Variants in RGS8 observed in about 807,000 individuals in gnomAD.
RGS8 encodes the protein regulator of G-protein signaling 8.
Under a neutral mutation model 21.7 loss-of-function variants are expected in RGS8, and 8 were observed. The observed-to-expected ratio is 0.37, with a 90% CI of 0.22 to 0.66. The LOEUF is 0.66. Ranked by LOEUF, RGS8 falls within the 30% of genes least tolerant of loss-of-function variation. The probability of loss-of-function intolerance (pLI) is 0.59; values close to 1 mark genes in which losing one functional copy is unlikely to be tolerated. For missense variants in RGS8, 157 were observed against 217.9 expected, an observed-to-expected ratio of 0.72 and a Z score of 1.76; for synonymous variants, 80 against 83.6, an observed-to-expected ratio of 0.96 and a Z score of 0.24.
upstream of RGS8, among the ~76,000 whole-genome samples, chr1:182,677,062 G>GA (rs993056701): frequency 5.3e-5 from 8 of 151,528 alleles, no homozygotes; most frequent in Non-Finnish European, 1.2e-4. Context: ...GCAAGGAGAT[G>GA]AAAAAAACAA....
chr1:182,694,807 CAA>C, the RGS8 span, among the ~76,000 whole-genome samples: 18 of 92,110 alleles, frequency 2.0e-4, no homozygotes, highest in Non-Finnish European at 1.4e-4. Flanking sequence ...GACTCCTACT[CAA>C]AAAAAAAAAA....
At chr1:182,682,683 C>T (rs1005154268) in intron 1 of RGS8, among the ~76,000 whole-genome samples, 1 of 152,120 alleles carries the variant, frequency 6.6e-6, no homozygotes, top group African/African-American at 2.4e-5. Context: ...CAGGGTAATT[C>T]AATTAATGGC....
chr1:182,661,461 T>C (rs570222759), intron 5 of RGS8, among the ~76,000 whole-genome samples: 1 of 151,582 alleles, frequency 6.6e-6, no homozygotes, highest in Non-Finnish European at 1.5e-5. Context: ...ACCTTAAAAC[T>C]GGAATAAATC....
chr1:182,718,522 G>A, the RGS8 span, among the ~76,000 whole-genome samples: 3 of 152,314 alleles, frequency 2.0e-5, no homozygotes, highest in African/African-American at 7.2e-5. Context: ...AGCCTCAAGT[G>A]GACATCTCTG....
intron 4 of RGS8, among the ~76,000 whole-genome samples, chr1:182,666,646 C>T (rs1663874949): frequency 6.8e-6 from 1 of 148,026 alleles, no homozygotes; most frequent in African/African-American, 2.5e-5. Flanking sequence ...GATGATATGG[C>T]TTACTTAGGA....
At chr1:182,735,447 A>G in the RGS8 span, among the ~76,000 whole-genome samples, 4 of 152,232 alleles carry the variant, frequency 2.6e-5, no homozygotes, top group South Asian at 2.1e-4. Flanking sequence ...TTGAAGACCA[A>G]TGCTTTGAAT....
chr1:182,655,773 C>T (rs1663244835), intron 5 of RGS8, among the ~76,000 whole-genome samples: 1 of 151,586 alleles, frequency 6.6e-6, no homozygotes, highest in Non-Finnish European at 1.5e-5. Context: ...GTATCAGACA[C>T]AGCTCTTAGC....
rs558581270 is a variant in RGS8, at chr1:182,648,432, C to G, written c.194-129G>C. 1.7e-5 allele frequency: 15 copies of G among 902,092 alleles called. No homozygotes were observed. The East Asian group carries it at 3.5e-4, about 21-fold the overall frequency. The allele number at this position is 902,092 out of a possible 1,614,324, so 55.9% of individuals were successfully genotyped here. A position where few individuals can be genotyped will look rare whatever the true frequency, so the allele number is the denominator to read the frequency against. ...TCCAAGCTCACTGCTCCTCCACACCCTCTTGAAGACCCCATTCTCATCTGG... is the reference window on the plus strand; with the variant it reads ...TCCAAGCTCACTGCTCCTCCACACCGTCTTGAAGACCCCATTCTCATCTGG... On this transcript the variant is annotated intron_variant, in intron 5 of 6. Transcript: ENST00000483095.
the RGS8 span, among the ~76,000 whole-genome samples, chr1:182,721,443 A>G: frequency 1.1e-4 from 17 of 152,294 alleles, no homozygotes; most frequent in Non-Finnish European, 2.4e-4. Flanking sequence ...TTTCTTGGGT[A>G]TGCTTTGTTC....
At chr1:182,723,083 A>C in the RGS8 span, among the ~76,000 whole-genome samples, 4 of 152,216 alleles carry the variant, frequency 2.6e-5, no homozygotes, top group Non-Finnish European at 5.9e-5. Flanking sequence ...CATCTTAACT[A>C]ATTACATCTT....
upstream of RGS8, among the ~76,000 whole-genome samples, chr1:182,689,256 CACACACAG>C (rs1444675423): frequency 2.2e-5 from 3 of 138,664 alleles, no homozygotes; most frequent in South Asian, 2.2e-4. Context: ...CGCGCACGCA[CACACACAG>C]ACACACACAC....
chr1:182,649,905 CTTT>C (rs920729497), intron 5 of RGS8, among the ~76,000 whole-genome samples: 9 of 128,458 alleles, frequency 7.0e-5, no homozygotes, highest in Admixed American at 7.9e-5. Flanking sequence ...GTTAACAACT[CTTT>C]TTTTTTTTTT....
chr1:182,699,976 C>G, the RGS8 span, among the ~76,000 whole-genome samples: 8 of 152,226 alleles, frequency 5.3e-5, no homozygotes, highest in African/African-American at 1.9e-4. Context: ...GATCCGGCAC[C>G]TCACACCCTG....
chr1:182,741,013 T>C, the RGS8 span, among the ~76,000 whole-genome samples: 3 of 151,978 alleles, frequency 2.0e-5, no homozygotes, highest in Admixed American at 2.0e-4. Context: ...CTTTCCCCCC[T>C]TTCTATTCTA....
At chr1:182,699,839 G>A in the RGS8 span, among the ~76,000 whole-genome samples, 2 of 151,924 alleles carry the variant, frequency 1.3e-5, no homozygotes, top group African/African-American at 4.8e-5. Flanking sequence ...GATCCCTCGG[G>A]GACTATAATG....
At chr1:182,668,032 G>C (rs1208327755) in intron 3 of RGS8, among the ~76,000 whole-genome samples, 2 of 151,502 alleles carry the variant, frequency 1.3e-5, no homozygotes. Context: ...CCCTGAAAAG[G>C]TGCCTGTCTG....
chr1:182,712,291 T>C, the RGS8 span, among the ~76,000 whole-genome samples: 1 of 152,206 alleles, frequency 6.6e-6, no homozygotes, highest in Non-Finnish European at 1.5e-5. Context: ...TTCTCAGGCA[T>C]TCAGAATGTA....
At chr1:182,668,677 T>A (rs928933373) in intron 3 of RGS8, among the ~76,000 whole-genome samples, 1 of 152,226 alleles carries the variant, frequency 6.6e-6, no homozygotes. Flanking sequence ...TGCTCCCACC[T>A]TGAATCTCAG....
At chr1:182,676,376 C>G (rs896349116), upstream of RGS8, among the ~76,000 whole-genome samples, 3 of 152,136 alleles carry the variant, frequency 2.0e-5, no homozygotes, top group African/African-American at 7.2e-5. Context: ...GATTTGAATT[C>G]TGGTCAGCAT....
Sources: gnomAD v4.1 joint callset for allele counts (sites outside exome capture counted in the v4.1 genomes callset) on GRCh38, gnomAD v4.1.1 for gene constraint, MANE v1.5 for transcripts, NCBI Gene and HGNC (gene_info 2026-07-23, HGNC 2026-07-21) for gene names.